Variants in CLIC5 observed in about 807,000 individuals in gnomAD.
CLIC5 encodes chloride intracellular channel protein 5.
Under a neutral mutation model 24.7 loss-of-function variants are expected in CLIC5, and 20 were observed. The observed-to-expected ratio is 0.81, with a 90% CI of 0.57 to 1.18. The LOEUF is 1.18. Ranked by LOEUF, CLIC5 falls within the 50% of genes most tolerant of loss-of-function variation. The pLI is 0.00. For missense variants in CLIC5, 341 were observed against 326.1 expected (o/e 1.05, Z -0.35); for synonymous variants, 159 against 135.6 (o/e 1.17, Z -1.20).
At chr6:45,960,214 CAA>C (rs977169754) in intron 1 of CLIC5, among the ~76,000 whole-genome samples, 70 of 152,094 alleles carry the variant, frequency 4.6e-4, no homozygotes, top group African/African-American at 1.6e-3. Flanking sequence ...GATAATTGGC[CAA>C]AAGTCACTCG....
chr6:46,123,366 T>C, the CLIC5 span, among the ~76,000 whole-genome samples: 1 of 152,196 alleles, frequency 6.6e-6, no homozygotes, highest in Non-Finnish European at 1.5e-5. Context: ...GAAAAGGCCT[T>C]CCACAATATT....
chr6:46,104,052 T>C, the CLIC5 span, among the ~76,000 whole-genome samples: 1 of 152,176 alleles, frequency 6.6e-6, no homozygotes, highest in East Asian at 1.9e-4. Context: ...TGTGTACTCA[T>C]ATTGAATCCC....
chr6:46,114,827 G>A, the CLIC5 span, among the ~76,000 whole-genome samples: 1 of 152,182 alleles, frequency 6.6e-6, no homozygotes, highest in African/African-American at 2.4e-5. Context: ...ATGTGTCTGA[G>A]GGCTACAGAA....
intron 4 of CLIC5, among the ~76,000 whole-genome samples, chr6:45,935,067 A>G (rs1213973144): frequency 6.6e-6 from 1 of 152,256 alleles, no homozygotes; most frequent in Non-Finnish European, 1.5e-5. Context: ...ATAAGTAACT[A>G]AAATGAATTT....
intron 1 of CLIC5, among the ~76,000 whole-genome samples, chr6:46,075,379 G>A (rs1762737277): frequency 6.6e-6 from 1 of 152,062 alleles, no homozygotes; most frequent in Non-Finnish European, 1.5e-5. Flanking sequence ...AACAGCCCTG[G>A]CAACGGGGCA....
At position 46,000,648 on chromosome 6, in the gene CLIC5, G is replaced by C. The variant is rs140949325; in HGVS notation, c.63+14832C>G. ...CCTCAGGAAACTTACAATCATGGTAGAATGCACCTCTTCACAGGGCAGCAG... is the reference window on the plus strand; with the variant it reads ...CCTCAGGAAACTTACAATCATGGTACAATGCACCTCTTCACAGGGCAGCAG... On this transcript the variant is annotated intron_variant, in intron 1 of 5. Transcript: ENST00000339561. Among the ~76,000 whole-genome samples, 364 of 152,294 alleles carry C rather than the reference G, an allele frequency of 2.4e-3. 1 individual carries two copies. Among genetic ancestry groups the C allele is most frequent in the African/African-American group, 8.6e-3 (356 of 41,558 alleles).
At chr6:45,971,417 A>C (rs951915697) in intron 1 of CLIC5, among the ~76,000 whole-genome samples, 1 of 152,132 alleles carries the variant, frequency 6.6e-6, no homozygotes, top group Non-Finnish European at 1.5e-5. Flanking sequence ...CCAAACCCCC[A>C]CCAAACTATT....
At chr6:45,920,595 T>A in intron 4 of CLIC5, 2 of 690,108 alleles carry the variant, frequency 2.9e-6, no homozygotes, top group Non-Finnish European at 3.6e-6. Context: ...GTTTAAAACG[T>A]GAATGGTAAC....
chr6:46,008,088 C>A (rs1378950881), intron 1 of CLIC5, among the ~76,000 whole-genome samples: 1 of 152,090 alleles, frequency 6.6e-6, no homozygotes, highest in Non-Finnish European at 1.5e-5. Flanking sequence ...TCTTTCTAAA[C>A]ATAACCCAAG....
At chr6:45,908,316 T>G (rs1762717709) in intron 5 of CLIC5, among the ~76,000 whole-genome samples, 1 of 152,180 alleles carries the variant, frequency 6.6e-6, no homozygotes. Flanking sequence ...TATACTAGCT[T>G]TGAGGTTAGT....
At chr6:45,998,665 A>C (rs1420845099) in intron 1 of CLIC5, among the ~76,000 whole-genome samples, 1 of 152,194 alleles carries the variant, frequency 6.6e-6, no homozygotes, top group Non-Finnish European at 1.5e-5. Context: ...TGAGGTTGCC[A>C]GATCTCAGTG....
intron 1 of CLIC5, among the ~76,000 whole-genome samples, chr6:46,033,978 G>A (rs1385853104): frequency 6.6e-6 from 1 of 152,184 alleles, no homozygotes; most frequent in Non-Finnish European, 1.5e-5. Flanking sequence ...AGAATAAGAA[G>A]ACCTAGGGTA....
intron 1 of CLIC5, among the ~76,000 whole-genome samples, chr6:46,038,169 A>AT (rs1238655606): frequency 6.6e-6 from 1 of 152,112 alleles, no homozygotes; most frequent in African/African-American, 2.4e-5. Flanking sequence ...CTATGCCTTC[A>AT]TTTTTTCCTT....
intron 1 of CLIC5, among the ~76,000 whole-genome samples, chr6:45,981,411 C>T (rs1276072439): frequency 6.6e-6 from 1 of 151,918 alleles, no homozygotes; most frequent in African/African-American, 2.4e-5. Flanking sequence ...ATGTAAGTTC[C>T]AAGAAAATTA....
chr6:45,980,308 G>A (rs773531163), intron 1 of CLIC5, among the ~76,000 whole-genome samples: 6 of 152,118 alleles, frequency 3.9e-5, no homozygotes, highest in Middle Eastern at 3.4e-3. Context: ...ATAAAGGCAG[G>A]AACATAAAAC....
chr6:45,887,628 C>G (rs1762316693), intron 6 of CLIC5, among the ~76,000 whole-genome samples: 1 of 152,218 alleles, frequency 6.6e-6, no homozygotes. Context: ...GAGTCACCAT[C>G]CCTGATTTGT....
rs1762545873 is a variant in CLIC5 at position 45,902,863 on chromosome 6, G to A, written c.*225C>T. The A allele has an allele frequency of 3.6e-6, 2 of 553,706 alleles. No individual in the cohort carries two copies. Among genetic ancestry groups the A allele is most frequent in the Admixed American group, 3.5e-5 (1 of 28,976 alleles). 34.3% of individuals were successfully genotyped at this position (553,706 alleles called of 1,614,324 possible). On this transcript the variant is annotated 3_prime_UTR_variant, in exon 6 of 6. Transcript: ENST00000339561. ...CCCAGATCAGGCTGGCCGGCCGAAA[G>A]GTGGACTGTGTCTATCATTTCTGCT...
At chr6:45,949,132 G>A in intron 3 of CLIC5, 124 bp downstream of exon 3, 1 of 1,281,358 alleles carries the variant, frequency 7.8e-7, no homozygotes, top group Non-Finnish European at 1.1e-6. Flanking sequence ...TGAAGAAAGG[G>A]TCCTGTTCTC....
chr6:45,920,562 G>T, intron 4 of CLIC5: 2 of 452,904 alleles, frequency 4.4e-6, no homozygotes, highest in Non-Finnish European at 5.8e-6. Context: ...TACAAAGATG[G>T]CCACACTTGT....
Sources: gnomAD v4.1 joint callset for allele counts (sites outside exome capture counted in the v4.1 genomes callset) on GRCh38, gnomAD v4.1.1 for gene constraint, MANE v1.5 for transcripts, NCBI Gene and HGNC (gene_info 2026-07-23, HGNC 2026-07-21) for gene names.